The following GRIK2 variants were observed in gnomAD, a reference collection of about 807,000 sequenced individuals.
GRIK2 encodes glutamate receptor ionotropic, kainate 2.
In GRIK2, 32 loss-of-function variants were observed where a neutral mutation model predicts 100.3. The ratio of observed to expected loss-of-function variants is 0.32; its 90% CI spans 0.24 to 0.43. The LOEUF is 0.43. Among genes scored for constraint, GRIK2 ranks in the 20% least tolerant of loss-of-function variants. The probability of loss-of-function intolerance (pLI) is 1.00; values close to 1 mark genes in which losing one functional copy is unlikely to be tolerated. For missense variants in GRIK2, 843 were observed against 1,114.9 expected, an observed-to-expected ratio of 0.76 and a Z score of 3.47; for synonymous variants, 417 against 389.4, an observed-to-expected ratio of 1.07 and a Z score of -0.83.
intron 15 of GRIK2, among the ~76,000 whole-genome samples, chr6:102,044,278 A>T (rs1424706183): frequency 1.3e-5 from 2 of 151,936 alleles, no homozygotes; most frequent in African/African-American, 2.4e-5. Flanking sequence ...CTTGCTGAAA[A>T]TTTTCTAGTG....
At chr6:102,013,839 T>G (rs376226186) in intron 14 of GRIK2, among the ~76,000 whole-genome samples, 2 of 152,104 alleles carry the variant, frequency 1.3e-5, no homozygotes, top group East Asian at 3.9e-4. Flanking sequence ...ACTAGTATTT[T>G]GTTGAGGATT....
intron 12 of GRIK2, chr6:101,891,697 G>A: frequency 3.0e-6 from 1 of 330,262 alleles, no homozygotes; most frequent in African/African-American, 2.3e-5. Flanking sequence ...TGTATTGGAA[G>A]CATATTGCCA....
rs1469151531 is a variant in GRIK2 at position 101,399,337 on chromosome 6, G to C, written c.60G>C (p.Leu20=). Residue 20 remains leucine, a synonymous_variant, in exon 2 of 17, where the codon CTG becomes CTC. Coordinates refer to ENST00000369134, the MANE Select transcript of GRIK2 (RefSeq NM_021956.5). ...NPVFRRTVKL[L]LCLLWIGYSQ... ...TCTTCAGGCGCACCGTTAAACTCCT[G>C]CTCTGTTTACTGTGGATTGGATATT... 1.3e-6 allele frequency: 2 copies of C among 1,597,706 alleles called. No homozygotes were observed. The highest frequency in any genetic ancestry group is 1.7e-6 in the Non-Finnish European group (2 of 1,165,290).
intron 13 of GRIK2, among the ~76,000 whole-genome samples, chr6:101,925,098 T>TA (rs888473867): frequency 6.6e-6 from 1 of 152,182 alleles, no homozygotes; most frequent in African/African-American, 2.4e-5. Flanking sequence ...CATTTTGATG[T>TA]AAAATCTTCT....
intron 10 of GRIK2, among the ~76,000 whole-genome samples, chr6:101,837,715 A>G (rs1211850884): frequency 6.6e-6 from 1 of 152,138 alleles, no homozygotes; most frequent in African/African-American, 2.4e-5. Context: ...GGACAAAAAG[A>G]ATGGGTAGTT....
rs566916079 is a variant in GRIK2, at chr6:101,922,004, A to T, written c.1749-2597A>T. ...CAAACATTTATTTTTTTCTCTTTTG[A>T]ATAAATTATACAAGAGACTTCCTTG... On this transcript the variant is annotated intron_variant, in intron 12 of 16. Coordinates refer to ENST00000369134, the MANE Select transcript of GRIK2 (RefSeq NM_021956.5). Among the ~76,000 whole-genome samples the T allele has an allele frequency of 2.6e-5, 4 of 151,836 alleles. No individual in the cohort carries two copies. The East Asian group carries it at 5.8e-4, about 22-fold the overall frequency.
At chr6:101,581,618 AC>A (rs1778102277) in intron 2 of GRIK2, among the ~76,000 whole-genome samples, 1 of 152,150 alleles carries the variant, frequency 6.6e-6, no homozygotes, top group Non-Finnish European at 1.5e-5. Context: ...CTGAGCATTA[AC>A]TATACAACAC....
At chr6:101,647,107 A>G (rs573745465) in intron 4 of GRIK2, among the ~76,000 whole-genome samples, 49 of 152,114 alleles carry the variant, frequency 3.2e-4, no homozygotes, top group African/African-American at 1.1e-3. Flanking sequence ...TTTCTGAGGG[A>G]AAGTACAAGT....
chr6:101,860,940 A>G (rs1197416208), intron 11 of GRIK2: 35 of 926,490 alleles, frequency 3.8e-5, no homozygotes, highest in Non-Finnish European at 4.3e-5. Context: ...AGTCCTTGAA[A>G]AAAGACCTTT....
intron 7 of GRIK2, among the ~76,000 whole-genome samples, chr6:101,705,391 A>G (rs749945833): frequency 6.6e-6 from 1 of 151,680 alleles, no homozygotes; most frequent in Non-Finnish European, 1.5e-5. Context: ...TACCATATTT[A>G]TTGCTAAGAT....
intron 2 of GRIK2, among the ~76,000 whole-genome samples, chr6:101,474,447 G>A (rs1311923874): frequency 6.6e-6 from 1 of 151,768 alleles, no homozygotes; most frequent in Non-Finnish European, 1.5e-5. Flanking sequence ...ACTTAGTATT[G>A]TGTTGTTCAT....
chr6:101,709,570 A>G (rs1404465437), intron 7 of GRIK2, among the ~76,000 whole-genome samples: 1 of 151,874 alleles, frequency 6.6e-6, no homozygotes, highest in Non-Finnish European at 1.5e-5. Flanking sequence ...CTATTTACCA[A>G]CATACTTACC....
intron 14 of GRIK2, among the ~76,000 whole-genome samples, chr6:101,957,984 T>C (rs186998617): frequency 3.9e-5 from 6 of 152,144 alleles, no homozygotes; most frequent in Admixed American, 2.0e-4. Flanking sequence ...TGATTTTTGC[T>C]TAGGATTGTT....
At chr6:101,684,247 C>G (rs556359278) in intron 6 of GRIK2, among the ~76,000 whole-genome samples, 1 of 152,238 alleles carries the variant, frequency 6.6e-6, no homozygotes, top group East Asian at 1.9e-4. Flanking sequence ...TGTTACAACT[C>G]AGCATAAGCG....
chr6:101,653,502 C>T (rs1389898742), intron 4 of GRIK2, among the ~76,000 whole-genome samples: 1 of 152,146 alleles, frequency 6.6e-6, no homozygotes, highest in Non-Finnish European at 1.5e-5. Context: ...CATGCTGTCT[C>T]ATTACTAACG....
Position 101,971,377 on chromosome 6 carries a change from T to C in GRIK2, c.2085+42745T>C, listed in dbSNP as rs565469665. ...TTTTGAAACACCGGTCTAACATCTG[T>C]AAACCAAGGCAGTATTATGTTTCCA... On this transcript the variant is annotated intron_variant, in intron 14 of 16. Coordinates refer to ENST00000369134, the MANE Select transcript of GRIK2 (RefSeq NM_021956.5). 7.2e-5 allele frequency among the ~76,000 whole-genome samples: 11 copies of C among 152,110 alleles called. No homozygotes were observed. The South Asian group carries it at 2.3e-3, about 32-fold the overall frequency.
At chr6:101,769,773 C>T (rs1778281293) in intron 7 of GRIK2, among the ~76,000 whole-genome samples, 1 of 152,018 alleles carries the variant, frequency 6.6e-6, no homozygotes, top group South Asian at 2.1e-4. Flanking sequence ...GAAAATAAAG[C>T]ATTGTAATGG....
chr6:101,424,906 T>G (rs1376054106), intron 2 of GRIK2, among the ~76,000 whole-genome samples: 2 of 152,330 alleles, frequency 1.3e-5, no homozygotes, highest in Non-Finnish European at 1.5e-5. Flanking sequence ...TCTTCATTTT[T>G]TATGGCTGCA....
chr6:101,871,615 G>A (rs1056693469), intron 11 of GRIK2, among the ~76,000 whole-genome samples: 3 of 151,852 alleles, frequency 2.0e-5, no homozygotes, highest in Non-Finnish European at 4.4e-5. Context: ...CATTATAAGT[G>A]AGAACATCTA....
Sources: allele counts gnomAD v4.1 joint callset (sites outside exome capture counted in the v4.1 genomes callset), GRCh38; gene constraint gnomAD v4.1.1; transcripts MANE v1.5; gene names NCBI Gene and HGNC (gene_info 2026-07-23, HGNC 2026-07-21).